The following JHY variants were observed in gnomAD, a reference collection of about 807,000 sequenced individuals.
JHY encodes the protein jhy protein homolog.
A neutral mutation model predicts 78.0 loss-of-function variants in JHY; 69 were observed. The observed-to-expected ratio is 0.88, with a 90% confidence interval of 0.73 to 1.08. The LOEUF (loss-of-function observed/expected upper bound fraction) is 1.08. Ranked by LOEUF, JHY falls within the 50% of genes least tolerant of loss-of-function variation. The pLI, the probability that JHY is intolerant of heterozygous loss-of-function variation, is 0.00. For missense variants in JHY, 944 were observed against 927.8 expected (o/e 1.02, Z -0.23); for synonymous variants, 368 against 342.6 (o/e 1.07, Z -0.82).
intron 3 of JHY, among the ~76,000 whole-genome samples, chr11:122,910,688 C>T (rs1028630262): frequency 6.6e-6 from 1 of 152,002 alleles, no homozygotes; most frequent in African/African-American, 2.4e-5. Context: ...GGAAAAATAG[C>T]AACAAAAATA....
intron 3 of JHY, among the ~76,000 whole-genome samples, chr11:122,920,130 T>G (rs919297129): frequency 6.6e-6 from 1 of 152,152 alleles, no homozygotes; most frequent in Non-Finnish European, 1.5e-5. Context: ...CGTGAGCAGG[T>G]GTGAATCGAC....
At chr11:122,946,453 T>C in intron 5 of JHY, 45 bp from the exon 6 acceptor site, 1 of 1,525,254 alleles carries the variant, frequency 6.6e-7, no homozygotes, top group Non-Finnish European at 8.8e-7. Flanking sequence ...GTCTTATGTA[T>C]TTGGATTTTA....
chr11:122,931,076 G>A (rs990956923), intron 4 of JHY, among the ~76,000 whole-genome samples: 1 of 152,072 alleles, frequency 6.6e-6, no homozygotes, highest in Non-Finnish European at 1.5e-5. Context: ...CCAAGAAGGA[G>A]GGCTCCGTCC....
At chr11:122,929,247 T>G (rs529113662) in intron 4 of JHY, among the ~76,000 whole-genome samples, 62 of 151,952 alleles carry the variant, frequency 4.1e-4, no homozygotes, top group Middle Eastern at 3.4e-3. Flanking sequence ...TTTGTTTTTT[T>G]TTTTTTTTAA....
chr11:122,955,504 G>A (rs1864171213), intron 6 of JHY, among the ~76,000 whole-genome samples: 2 of 150,270 alleles, frequency 1.3e-5, no homozygotes, highest in South Asian at 4.1e-4. Flanking sequence ...GAATATTAGG[G>A]TTTTTTCCTG....
At chr11:122,899,458 CAAG>C (rs2135298478) in intron 2 of JHY, among the ~76,000 whole-genome samples, 1 of 152,312 alleles carries the variant, frequency 6.6e-6, no homozygotes, top group South Asian at 2.1e-4. Flanking sequence ...TGGTCTAATG[CAAG>C]AAGCCTTTAC....
intron 6 of JHY, among the ~76,000 whole-genome samples, chr11:122,949,956 C>T (rs1864051096): frequency 6.6e-6 from 1 of 151,784 alleles, no homozygotes; most frequent in East Asian, 1.9e-4. Context: ...CCTGCCTCAG[C>T]AGGAGTATCT....
intron 1 of JHY, among the ~76,000 whole-genome samples, chr11:122,884,043 C>T (rs1235941897): frequency 1.3e-5 from 2 of 151,984 alleles, no homozygotes; most frequent in African/African-American, 4.8e-5. Context: ...CTTGGCACAT[C>T]CTAAAAAAGC....
chr11:122,948,979 G>T (rs1156274334), intron 6 of JHY, among the ~76,000 whole-genome samples: 1 of 151,996 alleles, frequency 6.6e-6, no homozygotes, highest in Non-Finnish European at 1.5e-5. Context: ...AGCTACTCGG[G>T]AGGCTGAGGC....
In JHY at chr11:122,899,014, G is replaced by A. The variant is rs565288133; in HGVS notation, c.345-4911G>A. 2.8e-4 allele frequency among the ~76,000 whole-genome samples: 43 copies of A among 152,136 alleles called. 1 individual carries two copies. The South Asian group carries it at 3.5e-3, about 12-fold the overall frequency. ...CTTCTCAGCCTTAGTTCTGAGTCAC[G>A]CCAGCACTTCCTCCAGAAGGCTTTC... On this transcript the variant is annotated intron_variant, in intron 2 of 8. Transcript: ENST00000227349.
intron 6 of JHY, among the ~76,000 whole-genome samples, chr11:122,952,550 C>A (rs1029836039): frequency 3.3e-5 from 5 of 152,156 alleles, no homozygotes; most frequent in Admixed American, 2.6e-4. Flanking sequence ...CCCTTTAGGC[C>A]ACACTCTGTC....
At chr11:122,925,098 G>A in intron 4 of JHY, 88 bp downstream of exon 4, 1 of 1,055,186 alleles carries the variant, frequency 9.5e-7, no homozygotes, top group Non-Finnish European at 1.4e-6. Flanking sequence ...ATCACTTAAG[G>A]GTTTATTTTT....
chr11:122,928,626 T>A (rs1863566510), intron 4 of JHY, among the ~76,000 whole-genome samples: 2 of 150,492 alleles, frequency 1.3e-5, no homozygotes, highest in South Asian at 4.2e-4. Context: ...TGAAGAAAGG[T>A]TGTTTTTTGT....
rs1032454513 is a variant in JHY, at chr11:122,917,829, T to C, written c.865-7068T>C. On this transcript the variant is annotated intron_variant, in intron 3 of 8. Transcript: ENST00000227349. The surrounding 1 kb of genome is among the most constrained non-coding windows in gnomAD (Gnocchi z 4.1). ...GTCTTTCTGTAAGTTATATGAGATA[T>C]TCCTAAAAATCTCTTTCACATTCTT... Among the ~76,000 whole-genome samples, 1 of 152,212 alleles carries C rather than the reference T, an allele frequency of 6.6e-6. No individual in the cohort carries two copies. The highest frequency in any genetic ancestry group is 1.9e-4 in the East Asian group (1 of 5,198).
intron 5 of JHY, among the ~76,000 whole-genome samples, chr11:122,936,051 T>G (rs1863748727): frequency 6.6e-6 from 1 of 152,214 alleles, no homozygotes. Flanking sequence ...TTTTAAAAAT[T>G]TATTCTTTAT....
chr11:122,922,250 A>G (rs780409555), intron 3 of JHY, among the ~76,000 whole-genome samples: 11 of 152,212 alleles, frequency 7.2e-5, no homozygotes, highest in Non-Finnish European at 1.3e-4. Flanking sequence ...TAAGTATTCA[A>G]ACATTCACAC....
chr11:122,938,137 G>A (rs977137748), intron 5 of JHY, among the ~76,000 whole-genome samples: 42 of 151,836 alleles, frequency 2.8e-4, no homozygotes, highest in African/African-American at 1.0e-3. Context: ...ATTGAGCTGG[G>A]GCCTTTAAAC....
chr11:122,890,855 T>C (rs1433780390), intron 2 of JHY, among the ~76,000 whole-genome samples: 1 of 152,188 alleles, frequency 6.6e-6, no homozygotes, highest in African/African-American at 2.4e-5. Context: ...CCCTAGTCAT[T>C]GTTTGGCTAT....
intron 3 of JHY, among the ~76,000 whole-genome samples, chr11:122,919,197 C>A (rs1224564631): frequency 6.6e-6 from 1 of 151,000 alleles, no homozygotes; most frequent in East Asian, 2.0e-4. Context: ...ACTAAAATTA[C>A]AAAAAATTAG....
Sources: allele counts gnomAD v4.1 joint callset (sites outside exome capture counted in the v4.1 genomes callset), GRCh38; gene constraint gnomAD v4.1.1; non-coding constraint Gnocchi (gnomAD v3.1); transcripts MANE v1.5; gene names NCBI Gene and HGNC (gene_info 2026-07-23, HGNC 2026-07-21).